COL5A2: variants seen among roughly 807,000 people sequenced by gnomAD.
COL5A2 encodes the protein collagen type V alpha 2 chain.
Under a neutral mutation model 208.2 loss-of-function variants are expected in COL5A2, and 23 were observed. The ratio of observed to expected loss-of-function variants is 0.11; its 90% CI spans 0.08 to 0.16. The LOEUF is 0.16. COL5A2 is among the 10% of genes least tolerant of loss of function. COL5A2 has a pLI of 1.00. For synonymous variants in COL5A2, 625 were observed against 628.5 expected (o/e 0.99, Z 0.08); for missense variants, 1,590 against 1,956.4 (o/e 0.81, Z 3.53).
At chr2:189,323,740 T>C in the COL5A2 span, among the ~76,000 whole-genome samples, 1 of 152,178 alleles carries the variant, frequency 6.6e-6, no homozygotes. Context: ...AAAATGGCCA[T>C]ACTGCCCAAG....
At chr2:189,118,613 T>C (rs1687441876) in intron 1 of COL5A2, among the ~76,000 whole-genome samples, 3 of 152,146 alleles carry the variant, frequency 2.0e-5, no homozygotes. Flanking sequence ...CCAAGGATTC[T>C]AAAATATTTT....
intron 37 of COL5A2, 49 bp downstream of exon 37, chr2:189,053,846 T>C: frequency 1.4e-6 from 2 of 1,446,780 alleles, no homozygotes; most frequent in Non-Finnish European, 1.9e-6. Context: ...TGATTAATTG[T>C]TTTATTGCTC....
Position 189,052,217 on chromosome 2 carries a change from T to G in COL5A2, c.2724A>C (p.Thr908=), listed in dbSNP as rs748515902. Residue 908 remains threonine, a synonymous_variant, in exon 41 of 54, where the codon ACA becomes ACC. Coordinates refer to ENST00000374866, the MANE Select transcript of COL5A2 (RefSeq NM_000393.5). The part of the protein sequence containing the change: ...GRGTQGPPGA[T]GFPGSAGRVG... ...CTCTGCCCGCAGAACCAGGAAATCCTGTAGCACCCTAGAACCAGAATATCA... is the reference window on the plus strand; with the variant it reads ...CTCTGCCCGCAGAACCAGGAAATCCGGTAGCACCCTAGAACCAGAATATCA... 1 of 1,613,742 alleles carries G rather than the reference T, an allele frequency of 6.2e-7. No individual in the cohort carries two copies. Among genetic ancestry groups the G allele is most frequent in the Non-Finnish European group, 8.5e-7 (1 of 1,179,832 alleles).
the COL5A2 span, among the ~76,000 whole-genome samples, chr2:189,340,917 C>T: frequency 6.6e-6 from 1 of 152,150 alleles, no homozygotes; most frequent in Non-Finnish European, 1.5e-5. Context: ...AACAGAATTA[C>T]AGGTCATTGT....
intron 3 of COL5A2, among the ~76,000 whole-genome samples, chr2:189,103,826 C>T (rs921963423): frequency 6.6e-6 from 1 of 151,956 alleles, no homozygotes; most frequent in Non-Finnish European, 1.5e-5. Context: ...GGGCTACAGG[C>T]CCATTGAAGT....
At chr2:189,428,194 T>C in the COL5A2 span, among the ~76,000 whole-genome samples, 4 of 152,168 alleles carry the variant, frequency 2.6e-5, no homozygotes, top group Non-Finnish European at 5.9e-5. Context: ...CCTGCCCAGA[T>C]CTCATGTTAA....
chr2:189,296,821 T>C, the COL5A2 span, among the ~76,000 whole-genome samples: 1 of 152,232 alleles, frequency 6.6e-6, no homozygotes, highest in Non-Finnish European at 1.5e-5. Flanking sequence ...TGTTGCACTA[T>C]ACAGTAAGAC....
intron 4 of COL5A2, 44 bp from the exon 5 acceptor site, chr2:189,098,803 G>C: frequency 6.9e-7 from 1 of 1,444,654 alleles, no homozygotes; most frequent in Non-Finnish European, 9.7e-7. Context: ...AGTTTCTGCA[G>C]ATATTCAGAG....
At chr2:189,137,568 T>C (rs1159822332) in intron 1 of COL5A2, among the ~76,000 whole-genome samples, 1 of 152,210 alleles carries the variant, frequency 6.6e-6, no homozygotes, top group East Asian at 1.9e-4. Context: ...GGAAAATGCT[T>C]TTTCTTATCT....
the COL5A2 span, among the ~76,000 whole-genome samples, chr2:189,265,614 A>C: frequency 6.6e-6 from 1 of 152,206 alleles, no homozygotes; most frequent in Non-Finnish European, 1.5e-5. Context: ...ACCTGGGGTT[A>C]AGACTTCAAC....
chr2:189,344,922 C>T, the COL5A2 span, among the ~76,000 whole-genome samples: 4 of 152,200 alleles, frequency 2.6e-5, no homozygotes, highest in African/African-American at 9.6e-5. Context: ...GGTCAAGGAA[C>T]CAAAATGTGT....
intron 31 of COL5A2, among the ~76,000 whole-genome samples, chr2:189,060,035 T>A (rs1015879035): frequency 6.6e-6 from 1 of 152,130 alleles, no homozygotes; most frequent in Admixed American, 6.5e-5. Flanking sequence ...TGTAAGCTTG[T>A]CTCATTTCCT....
chr2:189,056,831 A>G, intron 35 of COL5A2, 142 bp downstream of exon 35: 1 of 798,260 alleles, frequency 1.3e-6, no homozygotes, highest in Admixed American at 1.7e-5. Flanking sequence ...GTTGAATCAC[A>G]GCAGATCTCA....
intron 35 of COL5A2, 58 bp downstream of exon 35, chr2:189,056,915 C>T: frequency 1.3e-6 from 2 of 1,520,340 alleles, no homozygotes; most frequent in Non-Finnish European, 1.8e-6. Flanking sequence ...CAGGGAAACT[C>T]ATATGATACT....
the COL5A2 span, among the ~76,000 whole-genome samples, chr2:189,287,153 T>C: frequency 6.6e-6 from 1 of 151,952 alleles, no homozygotes; most frequent in Non-Finnish European, 1.5e-5. Context: ...GCTTAAAATC[T>C]CAGAGTTCCA....
intron 1 of COL5A2, among the ~76,000 whole-genome samples, chr2:189,166,738 G>GTA (rs557088371): frequency 8.2e-4 from 125 of 152,326 alleles, no homozygotes; most frequent in Non-Finnish European, 1.4e-3. Context: ...CCCAGAGCCA[G>GTA]TATGTCAGTT....
the COL5A2 span, among the ~76,000 whole-genome samples, chr2:189,344,238 T>C: frequency 6.6e-6 from 1 of 152,140 alleles, no homozygotes; most frequent in East Asian, 1.9e-4. Flanking sequence ...CAAGAGGTAA[T>C]CCAATGAAGG....
At chr2:189,326,963 C>T in the COL5A2 span, among the ~76,000 whole-genome samples, 1 of 151,348 alleles carries the variant, frequency 6.6e-6, no homozygotes, top group African/African-American at 2.4e-5. Flanking sequence ...CCCAGATACT[C>T]GGCAGGCTGA....
At chr2:189,252,326 G>A in the COL5A2 span, among the ~76,000 whole-genome samples, 217 of 152,152 alleles carry the variant, frequency 1.4e-3, 2 homozygotes, top group East Asian at 0.035. Context: ...TGTTTATTGC[G>A]GCACTATTCA....
Sources: gnomAD v4.1 joint callset for allele counts (sites outside exome capture counted in the v4.1 genomes callset) on GRCh38, gnomAD v4.1.1 for gene constraint, MANE v1.5 for transcripts, NCBI Gene and HGNC (gene_info 2026-07-23, HGNC 2026-07-21) for gene names.